Variants in GRIA4 observed in about 807,000 individuals in gnomAD.
The protein encoded by GRIA4 is glutamate receptor 4.
A neutral mutation model predicts 104.0 loss-of-function variants in GRIA4; 34 were observed. That is an observed-to-expected ratio of 0.33 (90% CI 0.25 to 0.44). The LOEUF is 0.44. GRIA4 is among the 20% of genes least tolerant of loss of function. The pLI is 1.00. For missense variants in GRIA4, 750 were observed against 1,096.5 expected, an observed-to-expected ratio of 0.68 and a Z score of 4.46; for synonymous variants, 386 against 381.9, an observed-to-expected ratio of 1.01 and a Z score of -0.13.
At chr11:105,968,457 C>G (rs530023492) in intron 14 of GRIA4, among the ~76,000 whole-genome samples, 18 of 152,268 alleles carry the variant, frequency 1.2e-4, no homozygotes, top group Middle Eastern at 3.4e-3. Context: ...CACTCCAGGC[C>G]GTGCAGTAAT....
At chr11:105,976,056 C>T (rs1036708976) in intron 16 of GRIA4, among the ~76,000 whole-genome samples, 5 of 152,038 alleles carry the variant, frequency 3.3e-5, no homozygotes, top group African/African-American at 1.2e-4. Flanking sequence ...ATGCTTTCAT[C>T]TTAATGTTTA....
intron 14 of GRIA4, among the ~76,000 whole-genome samples, chr11:105,950,315 C>T (rs1294712756): frequency 6.6e-6 from 1 of 152,094 alleles, no homozygotes; most frequent in African/African-American, 2.4e-5. Context: ...GTCATAAAAA[C>T]AGTTCTTAAT....
At chr11:105,913,936 G>T (rs1947327646) in intron 10 of GRIA4, among the ~76,000 whole-genome samples, 1 of 151,662 alleles carries the variant, frequency 6.6e-6, no homozygotes, top group African/African-American at 2.4e-5. Context: ...CTTTCCAGAG[G>T]TTATTTTTTG....
chr11:105,746,975 TC>T (rs1327224708), intron 3 of GRIA4, among the ~76,000 whole-genome samples: 4 of 152,118 alleles, frequency 2.6e-5, no homozygotes, highest in Non-Finnish European at 5.9e-5. Flanking sequence ...AAAAATCTGT[TC>T]CCTGGCTCAA....
At chr11:105,921,768 G>T (rs1208784542) in intron 11 of GRIA4, among the ~76,000 whole-genome samples, 1 of 152,100 alleles carries the variant, frequency 6.6e-6, no homozygotes, top group Non-Finnish European at 1.5e-5. Context: ...GGCATTTCAA[G>T]TAAGTGAAAA....
intron 9 of GRIA4, among the ~76,000 whole-genome samples, chr11:105,906,425 G>A (rs867200607): frequency 6.6e-6 from 1 of 152,166 alleles, no homozygotes; most frequent in Non-Finnish European, 1.5e-5. Context: ...CAGGATGTTA[G>A]AGTTTGGATA....
intron 3 of GRIA4, among the ~76,000 whole-genome samples, chr11:105,705,496 T>C (rs1227198003): frequency 6.6e-6 from 1 of 151,990 alleles, no homozygotes; most frequent in East Asian, 1.9e-4. Flanking sequence ...GGAGAAAATG[T>C]TTGCAATGTG....
chr11:105,931,774 C>T (rs1591458969), intron 13 of GRIA4, among the ~76,000 whole-genome samples: 1 of 152,176 alleles, frequency 6.6e-6, no homozygotes, highest in Non-Finnish European at 1.5e-5. Flanking sequence ...GTTTGCAAAT[C>T]AGTGATTGTG....
At chr11:105,958,316 C>G (rs2136254750) in intron 14 of GRIA4, among the ~76,000 whole-genome samples, 1 of 152,270 alleles carries the variant, frequency 6.6e-6, no homozygotes, top group Middle Eastern at 3.4e-3. Flanking sequence ...GAGGTTTTAG[C>G]ATGAAGGGCT....
At chr11:105,768,343 G>A (rs1406103171) in intron 4 of GRIA4, among the ~76,000 whole-genome samples, 1 of 152,016 alleles carries the variant, frequency 6.6e-6, no homozygotes, top group Non-Finnish European at 1.5e-5. Flanking sequence ...GATGATATTG[G>A]CATAAAAATA....
At chr11:105,911,220 G>A (rs73544604) in intron 10 of GRIA4, among the ~76,000 whole-genome samples, 12,652 of 151,784 alleles carry the variant, frequency 0.083, 582 homozygotes, top group African/African-American at 0.1. Context: ...GCTTCATTTG[G>A]CCACATCAAA....
At chr11:105,807,457 T>C (rs1336697134) in intron 4 of GRIA4, among the ~76,000 whole-genome samples, 1 of 151,844 alleles carries the variant, frequency 6.6e-6, no homozygotes, top group Non-Finnish European at 1.5e-5. Context: ...TATAAAGAAG[T>C]CAAAACCATC....
intron 4 of GRIA4, among the ~76,000 whole-genome samples, chr11:105,754,570 C>T (rs1940193013): frequency 6.6e-6 from 1 of 152,142 alleles, no homozygotes; most frequent in South Asian, 2.1e-4. Flanking sequence ...GAATAACTCA[C>T]ATATTGCATT....
chr11:105,793,394 A>G (rs1942303719), intron 4 of GRIA4, among the ~76,000 whole-genome samples: 1 of 152,154 alleles, frequency 6.6e-6, no homozygotes, highest in African/African-American at 2.4e-5. Context: ...TATCACATCT[A>G]GGGTTCCTGC....
intron 4 of GRIA4, among the ~76,000 whole-genome samples, chr11:105,761,805 C>G (rs1405784360): frequency 6.6e-6 from 1 of 151,998 alleles, no homozygotes; most frequent in East Asian, 1.9e-4. Context: ...GGCAGTGGGT[C>G]AGATTTTGCC....
intron 3 of GRIA4, among the ~76,000 whole-genome samples, chr11:105,750,230 G>T (rs947491821): frequency 1.3e-5 from 2 of 151,928 alleles, no homozygotes; most frequent in Non-Finnish European, 2.9e-5. Flanking sequence ...ACTGCCCAAG[G>T]TATCATACTA....
At chr11:105,731,193 C>G (rs982764444) in intron 3 of GRIA4, among the ~76,000 whole-genome samples, 1 of 152,108 alleles carries the variant, frequency 6.6e-6, no homozygotes, top group African/African-American at 2.4e-5. Context: ...AAAAAACAAA[C>G]AGCCCCATCA....
In GRIA4 at chr11:105,868,049, A is replaced by C. The variant is rs773239892; in HGVS notation, c.672+5841A>C. Among the ~76,000 whole-genome samples, 21 of 152,192 alleles carry C rather than the reference A, an allele frequency of 1.4e-4. 1 individual carries two copies. Among genetic ancestry groups the C allele is most frequent in the Non-Finnish European group, 1.6e-4 (11 of 68,036 alleles). On this transcript the variant is annotated intron_variant, in intron 5 of 16. Coordinates refer to ENST00000282499, the MANE Select transcript of GRIA4 (RefSeq NM_000829.4). Reference sequence around the variant, plus strand: ...TCAAGCTGGGAACTCAGAAACATGCATAAATAATTACAAAATAATTTGATG... The same window carrying C: ...TCAAGCTGGGAACTCAGAAACATGCCTAAATAATTACAAAATAATTTGATG...
At chr11:105,728,765 C>T (rs552749015) in intron 3 of GRIA4, among the ~76,000 whole-genome samples, 2 of 152,120 alleles carry the variant, frequency 1.3e-5, no homozygotes, top group South Asian at 2.1e-4. Flanking sequence ...GGATAAATAA[C>T]GAAATTAAGG....
Sources: allele counts gnomAD v4.1 joint callset (sites outside exome capture counted in the v4.1 genomes callset), GRCh38; gene constraint gnomAD v4.1.1; transcripts MANE v1.5; gene names NCBI Gene and HGNC (gene_info 2026-07-23, HGNC 2026-07-21).